The following SPRED3 variants were observed in gnomAD, a reference collection of about 807,000 sequenced individuals.
SPRED3 encodes the protein sprouty related EVH1 domain containing 3, also known as sprouty-related, EVH1 domain-containing protein 3.
In SPRED3, 23 loss-of-function variants were observed where a neutral mutation model predicts 37.6. The ratio of observed to expected loss-of-function variants is 0.61; its 90% CI spans 0.44 to 0.87. The LOEUF (loss-of-function observed/expected upper bound fraction) is 0.87, where lower values mean the gene tolerates loss of function less well. SPRED3 is among the 40% of genes least tolerant of loss of function. SPRED3 has a pLI of 0.00. For missense variants in SPRED3, 584 were observed against 618.6 expected (o/e 0.94, Z 0.59); for synonymous variants, 302 against 279.6 (o/e 1.08, Z -0.80).
At chr19:38,392,446 C>T (rs961390345) in intron 4 of SPRED3, 158 bp downstream of exon 4, 2 of 788,882 alleles carry the variant, frequency 2.5e-6, no homozygotes. Context: ...CCCAGTTATT[C>T]TAGTCTTTCT....
At chr19:38,389,408 G>C (rs1474450824) in intron 1 of SPRED3, among the ~76,000 whole-genome samples, 3 of 151,668 alleles carry the variant, frequency 2.0e-5, no homozygotes, top group Admixed American at 1.3e-4. Flanking sequence ...GTGAAGGGCT[G>C]GACACTGATC....
At position 38,394,763 on chromosome 19, in the gene SPRED3, C is replaced by G. The variant is rs747080422; in HGVS notation, c.544C>G (p.Gln182Glu). ...AGGCTTCGGGCCGACCACGCCCCCCCAGCGCCGCCGCTCCTCCGCTCAGGT... is the reference window on the plus strand; with the variant it reads ...AGGCTTCGGGCCGACCACGCCCCCCGAGCGCCGCCGCTCCTCCGCTCAGGT... ...ASGFGPTTPP[Q>E]RRRSSAQSYP... The change falls in exon 5 of 6, where the codon CAG (glutamine) becomes GAG (glutamate). Residue 182 changes from glutamine to glutamate, a missense_variant. Physicochemically the swap from Gln to Glu is conservative, Grantham distance 29. Around this residue, in one of 7 missense-constraint regions of SPRED3, gnomAD observed 310 missense variants for 281.1 expected, o/e 1.10. Transcript: ENST00000691638. 8 of 1,576,062 alleles carry G rather than the reference C, an allele frequency of 5.1e-6. No homozygotes were observed. In the East Asian group the frequency reaches 1.8e-4, roughly 36 times the overall value.
rs1449869900 is a variant in SPRED3, at chr19:38,399,370, C to T, written c.*3225C>T. On this transcript the variant is annotated 3_prime_UTR_variant, in exon 6 of 6. Transcript: ENST00000691638. ...GAGCCCCCAGGCCCAATTTCCCAGC[C>T]GCTTGCCCCTCAGATCGGATGCTTG... 6.6e-6 allele frequency: 1 copy of T among 152,232 alleles called. No homozygotes were observed. Among genetic ancestry groups the T allele is most frequent in the Non-Finnish European group, 1.5e-5 (1 of 68,074 alleles). 9.4% of individuals were successfully genotyped at this position (152,232 alleles called of 1,614,324 possible). A position where few individuals can be genotyped will look rare whatever the true frequency, so the allele number is the denominator to read the frequency against.
At chr19:38,390,603 G>A (rs1186926169) in intron 2 of SPRED3, 124 bp downstream of exon 2, 1 of 764,120 alleles carries the variant, frequency 1.3e-6, no homozygotes, top group African/African-American at 1.8e-5. Context: ...GTGAAGTTTG[G>A]GAGTGAATAT....
intron 4 of SPRED3, among the ~76,000 whole-genome samples, chr19:38,393,994 C>A (rs1970862920): frequency 6.6e-6 from 1 of 152,218 alleles, no homozygotes. Context: ...CTGTCCAGGC[C>A]CCCTCTGGAA....
At chr19:38,391,512 G>A (rs1035402903) in intron 2 of SPRED3, among the ~76,000 whole-genome samples, 5 of 152,082 alleles carry the variant, frequency 3.3e-5, no homozygotes, top group African/African-American at 1.2e-4. Context: ...AGCAAGATTC[G>A]GGGTTTCTAC....
At chr19:38,390,937 A>G (rs1040337454) in intron 2 of SPRED3, among the ~76,000 whole-genome samples, 1 of 152,110 alleles carries the variant, frequency 6.6e-6, no homozygotes, top group Non-Finnish European at 1.5e-5. Context: ...TGACAATTCT[A>G]TACATGGGTT....
In SPRED3 at chr19:38,397,335, C is replaced by T. The variant is rs1407324789; in HGVS notation, c.*1190C>T. The T allele has an allele frequency of 6.6e-6, 1 of 152,194 alleles. No homozygotes were observed. The highest frequency in any genetic ancestry group is 1.5e-5 in the Non-Finnish European group (1 of 68,078). The allele number at this position is 152,194 out of a possible 1,614,324, so 9.4% of individuals were successfully genotyped here. A position where few individuals can be genotyped will look rare whatever the true frequency, so the allele number is the denominator to read the frequency against. On this transcript the variant is annotated 3_prime_UTR_variant, in exon 6 of 6. Transcript: ENST00000691638. ...GACCCAGACCTCTGATGCCCTTGGC[C>T]CTCAGCCCTTGAGTGACCCTAAGGT... is the stretch of plus-strand genomic sequence containing the variant.
chr19:38,390,489 C>G lies in SPRED3; in HGVS notation c.177+10C>G. 1.5e-6 allele frequency: 2 copies of G among 1,348,048 alleles called. No homozygotes were observed. The highest frequency in any genetic ancestry group is 1.9e-6 in the Non-Finnish European group (2 of 1,044,826). 83.5% of individuals were successfully genotyped at this position (1,348,048 alleles called of 1,614,324 possible). A position where few individuals can be genotyped will look rare whatever the true frequency, so the allele number is the denominator to read the frequency against. On this transcript the variant is annotated intron_variant, in intron 2 of 5. Coordinates refer to ENST00000691638, the MANE Select transcript of SPRED3 (RefSeq NM_001394336.1). ...CCTCCGGGACCAGAAAGTGAGCCAC[C>G]CTGGGGCATGCGGGGAGGGTAGGGA...
Position 38,395,311 on chromosome 19 carries a change from G to A in SPRED3, c.568-169G>A, listed in dbSNP as rs1271159558. On this transcript the variant is annotated intron_variant, in intron 5 of 5. Transcript: ENST00000691638. The surrounding 1 kb of genome is among the most constrained non-coding windows in gnomAD (Gnocchi z 5.2). ...CCTTAAAGGTGTGGGGTTGGTGCGT[G>A]GATTCCTCTGTCTGTCCCTGGAGAA... 6.6e-6 allele frequency among the ~76,000 whole-genome samples: 1 copy of A among 152,130 alleles called. No homozygotes were observed. The highest frequency in any genetic ancestry group is 1.5e-5 in the Non-Finnish European group (1 of 68,018).
intron 4 of SPRED3, among the ~76,000 whole-genome samples, chr19:38,392,986 C>T (rs1378503354): frequency 6.6e-6 from 1 of 152,238 alleles, no homozygotes; most frequent in Non-Finnish European, 1.5e-5. Flanking sequence ...GGACAAAGTC[C>T]TTACAGTGGC....
At chr19:38,394,602 C>T (rs1600517062) in intron 4 of SPRED3, 41 bp from the exon 5 acceptor site, 2 of 1,564,430 alleles carry the variant, frequency 1.3e-6, no homozygotes, top group Non-Finnish European at 1.7e-6. Flanking sequence ...ATCGGCTGTG[C>T]GGGGGCGTGT....
rs1243546479 is a variant in SPRED3, at chr19:38,397,359, G to T, written c.*1214G>T. On this transcript the variant is annotated 3_prime_UTR_variant, in exon 6 of 6. Transcript: ENST00000691638. ...CCCTCAGCCCTTGAGTGACCCTAAGGTACTTTAGGAGCACTGGATCCAATA... is the reference window on the plus strand; with the variant it reads ...CCCTCAGCCCTTGAGTGACCCTAAGTTACTTTAGGAGCACTGGATCCAATA... 3 of 152,166 alleles carry T rather than the reference G, an allele frequency of 2.0e-5. No individual in the cohort carries two copies. The highest frequency in any genetic ancestry group is 7.2e-5 in the African/African-American group (3 of 41,408). 9.4% of individuals were successfully genotyped at this position (152,166 alleles called of 1,614,324 possible).
intron 2 of SPRED3, among the ~76,000 whole-genome samples, chr19:38,391,343 AG>A (rs1219438714): frequency 2.1e-5 from 3 of 144,400 alleles, no homozygotes; most frequent in African/African-American, 8.2e-5. Flanking sequence ...AAAAAAAAAG[AG>A]AGAGAGAATA....
Position 38,396,344 on chromosome 19 carries a change from T to A in SPRED3, c.*199T>A. On this transcript the variant is annotated 3_prime_UTR_variant, in exon 6 of 6. Transcript: ENST00000691638. Reference sequence around the variant, plus strand: ...CCCCAGCCCCAGCTTCATTGGGGTGTCTGTCTAAGAAGTCCCAGGCGTCCT... The same window carrying A: ...CCCCAGCCCCAGCTTCATTGGGGTGACTGTCTAAGAAGTCCCAGGCGTCCT... 2.7e-6 allele frequency: 1 copy of A among 372,538 alleles called. No homozygotes were observed. The highest frequency in any genetic ancestry group is 4.6e-6 in the Non-Finnish European group (1 of 217,052). 23.1% of individuals were successfully genotyped at this position (372,538 alleles called of 1,614,324 possible).
intron 1 of SPRED3, among the ~76,000 whole-genome samples, chr19:38,389,372 C>G (rs1032067133): frequency 5.3e-5 from 8 of 151,898 alleles, no homozygotes; most frequent in African/African-American, 1.9e-4. Context: ...AAGGTTGGGA[C>G]GCCAGGGTCC....
At position 38,398,724 on chromosome 19, in the gene SPRED3, T is replaced by G. The variant is rs1028866743; in HGVS notation, c.*2579T>G. The G allele has an allele frequency of 3.3e-5, 5 of 152,108 alleles. No homozygotes were observed. Among genetic ancestry groups the G allele is most frequent in the Non-Finnish European group, 2.9e-5 (2 of 68,004 alleles). The allele number at this position is 152,108 out of a possible 1,614,324, so 9.4% of individuals were successfully genotyped here. The stretch of plus-strand genomic sequence containing the variant: ...AGGTCTTGGAGCAAGACAGTCTCAA[T>G]GTTGTATGGGCTTGGGACCTGCATC... On this transcript the variant is annotated 3_prime_UTR_variant, in exon 6 of 6. Transcript: ENST00000691638.
Position 38,395,695 on chromosome 19 carries a change from T to C in SPRED3, c.783T>C (p.Pro261=). 6.8e-7 allele frequency: 1 copy of C among 1,477,908 alleles called. No homozygotes were observed. Among genetic ancestry groups the C allele is most frequent in the Admixed American group, 2.4e-5 (1 of 41,258 alleles). The allele number at this position is 1,477,908 out of a possible 1,614,324, so 91.5% of individuals were successfully genotyped here. Residue 261 remains proline, a synonymous_variant, in exon 6 of 6, where the codon CCT becomes CCC. Transcript: ENST00000691638. This position sits in a 1 kb window ranked among gnomAD's most constrained non-coding sequence, Gnocchi z 5.2. ...ALGPPAALPA[P]LTEAAPPAPP... is the part of the protein sequence containing the mutation. The stretch of plus-strand genomic sequence containing the variant: ...GTCCCCCAGCGGCACTACCTGCCCC[T>C]TTGACCGAGGCTGCGCCCCCAGCGC...
chr19:38,397,504 G>T lies in SPRED3; in HGVS notation c.*1359G>T, dbSNP rs73044930. 3,335 of 152,398 alleles carry T rather than the reference G, an allele frequency of 0.022. 50 individuals are homozygous for T. Among genetic ancestry groups the T allele is most frequent in the South Asian group, 0.045 (216 of 4,828 alleles). 9.4% of individuals were successfully genotyped at this position (152,398 alleles called of 1,614,324 possible). A position where few individuals can be genotyped will look rare whatever the true frequency, so the allele number is the denominator to read the frequency against. Reference sequence around the variant, plus strand: ...GGCGTTCAGATTCGAGGTGCCCCAAGACCCCAGCACCCTCAGACCCCAGAT... The same window carrying T: ...GGCGTTCAGATTCGAGGTGCCCCAATACCCCAGCACCCTCAGACCCCAGAT... On this transcript the variant is annotated 3_prime_UTR_variant, in exon 6 of 6. Transcript: ENST00000691638.
Sources: allele counts gnomAD v4.1 joint callset (sites outside exome capture counted in the v4.1 genomes callset), GRCh38; gene constraint gnomAD v4.1.1; regional missense constraint gnomAD v4.1.1; non-coding constraint Gnocchi (gnomAD v3.1); transcripts MANE v1.5; gene names NCBI Gene and HGNC (gene_info 2026-07-23, HGNC 2026-07-21).